The following YPEL2 variants were observed in gnomAD, a reference collection of about 807,000 sequenced individuals.
The protein encoded by YPEL2 is yippee like 2.
YPEL2 carries 2 observed loss-of-function variants against 19.1 expected under a neutral mutation model. That is an observed-to-expected ratio of 0.10 (90% CI 0.04 to 0.33). The LOEUF is 0.33. YPEL2 is among the 10% of genes least tolerant of loss of function. The pLI, the probability that YPEL2 is intolerant of heterozygous loss-of-function variation, is 1.00. For missense variants in YPEL2, 66 were observed against 140.7 expected (o/e 0.47, Z 2.68); for synonymous variants, 52 against 50.0 (o/e 1.04, Z -0.17).
chr17:59,335,736 A>G (rs2147931882), intron 1 of YPEL2, among the ~76,000 whole-genome samples: 1 of 152,142 alleles, frequency 6.6e-6, no homozygotes, highest in Non-Finnish European at 1.5e-5. Flanking sequence ...TTTAGTGGAG[A>G]CGGGGTTTCA....
chr17:59,383,877 G>C (rs2047967092), intron 2 of YPEL2, among the ~76,000 whole-genome samples: 2 of 151,894 alleles, frequency 1.3e-5, no homozygotes, highest in Middle Eastern at 6.8e-3. Flanking sequence ...TTACAGAGTA[G>C]TAGTATATGG....
intron 4 of YPEL2, among the ~76,000 whole-genome samples, chr17:59,390,501 C>T (rs548271649): frequency 6.6e-6 from 1 of 152,218 alleles, no homozygotes; most frequent in Non-Finnish European, 1.5e-5. Context: ...GTTCCTAAAA[C>T]ACCTAGGTCC....
rs895581765 is a variant in YPEL2, at chr17:59,331,688, G to C, written c.-332G>C. On this transcript the variant is annotated 5_prime_UTR_variant, in exon 1 of 5. Transcript: ENST00000312655. Reference sequence around the variant, plus strand: ...GCCCGGACCCGGAGGGATGCGGAGTGGCGGCCGCGGCGGTGGCGGAGACTG... The same window carrying C: ...GCCCGGACCCGGAGGGATGCGGAGTCGCGGCCGCGGCGGTGGCGGAGACTG... The C allele has an allele frequency of 1.3e-5, 2 of 153,582 alleles. No homozygotes were observed. Among genetic ancestry groups the C allele is most frequent in the African/African-American group, 4.8e-5 (2 of 41,486 alleles). The allele number at this position is 153,582 out of a possible 1,614,324, so 9.5% of individuals were successfully genotyped here.
intron 4 of YPEL2, among the ~76,000 whole-genome samples, chr17:59,396,071 A>G (rs964992017): frequency 2.0e-5 from 3 of 151,998 alleles, no homozygotes; most frequent in Admixed American, 2.0e-4. Flanking sequence ...ACTGAGCAAG[A>G]CTCCGTCTCA....
intron 2 of YPEL2, among the ~76,000 whole-genome samples, chr17:59,370,861 C>T (rs972408734): frequency 2.6e-5 from 4 of 152,216 alleles, no homozygotes; most frequent in African/African-American, 7.2e-5. Context: ...ACTCAAGAGT[C>T]AGCAGGGCTC....
intron 2 of YPEL2, chr17:59,355,995 C>T (rs544608855): frequency 1.3e-5 from 2 of 152,268 alleles, no homozygotes; most frequent in South Asian, 2.1e-4. Context: ...CAGCCACCCC[C>T]GGCGTTAAAT....
rs1388809113 is a variant in YPEL2, at chr17:59,353,571, G to A, written c.117+45G>A. ...CTTCCTTGCCTACCCCGGGGAGGGC[G>A]CTTAGTGCTCCTGAAGTTGCAGAGG... On this transcript the variant is annotated intron_variant, in intron 2 of 4. Transcript: ENST00000312655. This position sits in a 1 kb window ranked among gnomAD's most constrained non-coding sequence, Gnocchi z 4.8. 15 of 1,408,096 alleles carry A rather than the reference G, an allele frequency of 1.1e-5. No homozygotes were observed. Among genetic ancestry groups the A allele is most frequent in the African/African-American group, 1.4e-5 (1 of 70,818 alleles). 87.2% of individuals were successfully genotyped at this position (1,408,096 alleles called of 1,614,324 possible).
chr17:59,355,877 G>A (rs954448470), intron 2 of YPEL2: 3 of 152,210 alleles, frequency 2.0e-5, no homozygotes, highest in African/African-American at 7.2e-5. Context: ...ACACAGATGG[G>A]GTGCATTAGA....
chr17:59,367,939 C>T (rs1014874241), intron 2 of YPEL2, among the ~76,000 whole-genome samples: 2 of 152,182 alleles, frequency 1.3e-5, no homozygotes, highest in Non-Finnish European at 2.9e-5. Context: ...GGTCAAGCCA[C>T]CTCTGCTCCA....
intron 2 of YPEL2, among the ~76,000 whole-genome samples, chr17:59,357,120 C>T (rs1368068616): frequency 6.6e-6 from 1 of 152,096 alleles, no homozygotes; most frequent in Non-Finnish European, 1.5e-5. Flanking sequence ...CAGCTGAGAT[C>T]ATGGATGTGT....
intron 1 of YPEL2, among the ~76,000 whole-genome samples, chr17:59,352,461 A>G (rs1000508925): frequency 6.6e-6 from 1 of 152,214 alleles, no homozygotes; most frequent in Non-Finnish European, 1.5e-5. Context: ...TGAGTAATGG[A>G]AAGTCTAAGG....
chr17:59,363,358 A>G (rs2047851757), intron 2 of YPEL2: 1 of 149,186 alleles, frequency 6.7e-6, no homozygotes, highest in African/African-American at 2.5e-5. Flanking sequence ...CCCAAGCTGC[A>G]GTGCAGTGGC....
intron 2 of YPEL2, among the ~76,000 whole-genome samples, chr17:59,356,673 A>G (rs1468360005): frequency 6.6e-6 from 1 of 152,232 alleles, no homozygotes; most frequent in Non-Finnish European, 1.5e-5. Context: ...ACAAAATGCC[A>G]TAGACTAGTT....
chr17:59,361,031 T>C (rs909152596), intron 2 of YPEL2, among the ~76,000 whole-genome samples: 1 of 152,244 alleles, frequency 6.6e-6, no homozygotes, highest in South Asian at 2.1e-4. Flanking sequence ...GAGGTTTCAC[T>C]GTGTTGGCCA....
At position 59,371,710 on chromosome 17, in the gene YPEL2, C is replaced by T. The variant is rs114005748; in HGVS notation, c.118-16617C>T. On this transcript the variant is annotated intron_variant, in intron 2 of 4. Transcript: ENST00000312655. ...CAGAATGTTCTCATGCCTGGATGCA[C>T]CAGCCACAGCACAGACTGGGGCCTT... is the stretch of plus-strand genomic sequence containing the variant. Among the ~76,000 whole-genome samples the T allele has an allele frequency of 4.1e-3, 631 of 152,332 alleles. 7 individuals are homozygous for T. Among genetic ancestry groups the T allele is most frequent in the African/African-American group, 0.015 (605 of 41,584 alleles).
chr17:59,341,671 A>G (rs2147934829), intron 1 of YPEL2, among the ~76,000 whole-genome samples: 1 of 152,280 alleles, frequency 6.6e-6, no homozygotes, highest in Middle Eastern at 3.4e-3. Context: ...GAAAAAAAAA[A>G]GTTATATTAA....
chr17:59,369,146 T>C (rs537096261), intron 2 of YPEL2, among the ~76,000 whole-genome samples: 1 of 152,128 alleles, frequency 6.6e-6, no homozygotes. Context: ...AAGCGGGCAA[T>C]TGCAACTCCC....
chr17:59,380,393 C>T (rs2047943147), intron 2 of YPEL2, among the ~76,000 whole-genome samples: 1 of 149,278 alleles, frequency 6.7e-6, no homozygotes, highest in African/African-American at 2.5e-5. Context: ...CCTCAGCCTC[C>T]CAAGTAGCTG....
chr17:59,383,337 G>A (rs939581313), intron 2 of YPEL2, among the ~76,000 whole-genome samples: 12 of 151,318 alleles, frequency 7.9e-5, no homozygotes, highest in African/African-American at 2.7e-4. Flanking sequence ...GGTGGCTCAC[G>A]CCTGTAATCG....
Sources: gnomAD v4.1 joint callset for allele counts (sites outside exome capture counted in the v4.1 genomes callset) on GRCh38, gnomAD v4.1.1 for gene constraint, Gnocchi (gnomAD v3.1) non-coding constraint, MANE v1.5 for transcripts, NCBI Gene and HGNC (gene_info 2026-07-23, HGNC 2026-07-21) for gene names.